PALD1: variants seen among roughly 807,000 people sequenced by gnomAD.
PALD1 encodes paladin.
In PALD1, 57 loss-of-function variants were observed where a neutral mutation model predicts 96.0. The observed-to-expected ratio is 0.59, with a 90% CI of 0.48 to 0.74. The LOEUF is 0.74. Ranked by LOEUF, PALD1 falls within the 30% of genes least tolerant of loss-of-function variation. PALD1 has a pLI of 0.00. For synonymous variants in PALD1, 464 were observed against 473.6 expected, an observed-to-expected ratio of 0.98 and a Z score of 0.26; for missense variants, 1,063 against 1,143.7, an observed-to-expected ratio of 0.93 and a Z score of 1.02.
At chr10:70,522,608 T>G (rs924107623) in intron 1 of PALD1, among the ~76,000 whole-genome samples, 1 of 152,192 alleles carries the variant, frequency 6.6e-6, no homozygotes, top group Non-Finnish European at 1.5e-5. Context: ...CCCTCACTCA[T>G]GACCAAAGGA....
At chr10:70,462,016 C>G in the PALD1 span, among the ~76,000 whole-genome samples, 18 of 152,322 alleles carry the variant, frequency 1.2e-4, no homozygotes, top group African/African-American at 4.1e-4. Context: ...TGGTCTCAAA[C>G]TCCTGACCTT....
chr10:70,487,643 C>A (rs923459677), intron 1 of PALD1, among the ~76,000 whole-genome samples: 5 of 151,984 alleles, frequency 3.3e-5, no homozygotes, highest in African/African-American at 1.2e-4. Context: ...GAAAACTCCA[C>A]CTATTAAGCA....
In PALD1 at chr10:70,501,715, C is replaced by A. The variant is rs116333228; in HGVS notation, c.-30+22656C>A. Among the ~76,000 whole-genome samples, 1,344 of 150,436 alleles carry A rather than the reference C, an allele frequency of 8.9e-3. 18 individuals are homozygous for A. The highest frequency in any genetic ancestry group is 0.031 in the African/African-American group (1,267 of 41,104). On this transcript the variant is annotated intron_variant, in intron 1 of 19. Coordinates refer to ENST00000263563, the MANE Select transcript of PALD1 (RefSeq NM_014431.3). ...GGGAAATGAGAGAAAATAAAGATATCCAGGAAGATGAGAAAAATCATCTGA... is the reference window on the plus strand; with the variant it reads ...GGGAAATGAGAGAAAATAAAGATATACAGGAAGATGAGAAAAATCATCTGA...
chr10:70,479,786 G>A (rs1263825985), intron 1 of PALD1, among the ~76,000 whole-genome samples: 1 of 152,196 alleles, frequency 6.6e-6, no homozygotes, highest in Non-Finnish European at 1.5e-5. Context: ...TGGCTTCTGG[G>A]TAGAGTAACC....
Position 70,534,085 on chromosome 10 carries a change from G to A in PALD1, c.1022+12G>A, listed in dbSNP as rs759084055. On this transcript the variant is annotated intron_variant, in intron 8 of 19. Coordinates refer to ENST00000263563, the MANE Select transcript of PALD1 (RefSeq NM_014431.3). ...ACCTCCCAGCCAGAGTGAGTGGCCCGGGGCCCAGCGTCCTGAAGGGCTGTG... is the reference window on the plus strand; with the variant it reads ...ACCTCCCAGCCAGAGTGAGTGGCCCAGGGCCCAGCGTCCTGAAGGGCTGTG... 59 of 1,581,352 alleles carry A rather than the reference G, an allele frequency of 3.7e-5. No individual in the cohort carries two copies. The East Asian group carries it at 9.1e-4, about 24-fold the overall frequency.
Position 70,564,357 on chromosome 10 carries a change from C to G in PALD1, c.2263-7C>G. The stretch of plus-strand genomic sequence containing the variant: ...CCACACTGACCCCACCCTGTCCTGT[C>G]CTCCAGGCGAAGGCAGCGAAAGAGG... On this transcript the variant is annotated splice_region_variant and splice_polypyrimidine_tract_variant and intron_variant, in intron 18 of 19. Coordinates refer to ENST00000263563, the MANE Select transcript of PALD1 (RefSeq NM_014431.3). 1 of 1,610,672 alleles carries G rather than the reference C, an allele frequency of 6.2e-7. No homozygotes were observed. Among genetic ancestry groups the G allele is most frequent in the Non-Finnish European group, 8.5e-7 (1 of 1,178,332 alleles).
At chr10:70,564,582 C>T in intron 19 of PALD1, 63 bp downstream of exon 19, 2 of 1,520,776 alleles carry the variant, frequency 1.3e-6, no homozygotes, top group Non-Finnish European at 1.8e-6. Context: ...AGCTGGGTCA[C>T]AGCCACTCAG....
chr10:70,556,844 T>G (rs1004425599), intron 18 of PALD1, among the ~76,000 whole-genome samples: 12 of 152,180 alleles, frequency 7.9e-5, no homozygotes, highest in Non-Finnish European at 1.5e-5. Flanking sequence ...CCTGACTTGG[T>G]GCCTGCTGCT....
intron 1 of PALD1, among the ~76,000 whole-genome samples, chr10:70,517,159 A>C (rs1466830436): frequency 2.0e-5 from 3 of 152,188 alleles, no homozygotes; most frequent in Admixed American, 1.3e-4. Flanking sequence ...ATTTCACAGA[A>C]GTGGCAGCAG....
chr10:70,465,022 T>C, the PALD1 span, among the ~76,000 whole-genome samples: 1 of 151,720 alleles, frequency 6.6e-6, no homozygotes, highest in Non-Finnish European at 1.5e-5. Flanking sequence ...TTGCCCAGGC[T>C]GGAGTGCAGT....
At chr10:70,509,185 T>C (rs917040982) in intron 1 of PALD1, among the ~76,000 whole-genome samples, 7 of 152,196 alleles carry the variant, frequency 4.6e-5, no homozygotes, top group African/African-American at 1.7e-4. Flanking sequence ...CTTTGCCCCC[T>C]GCCGGTCCCT....
chr10:70,522,204 T>C (rs1012248242), intron 1 of PALD1, among the ~76,000 whole-genome samples: 1 of 152,170 alleles, frequency 6.6e-6, no homozygotes, highest in Non-Finnish European at 1.5e-5. Context: ...GATTTTTTTT[T>C]TGAGGTTTCC....
chr10:70,518,979 T>C (rs546399453), intron 1 of PALD1, among the ~76,000 whole-genome samples: 3 of 152,248 alleles, frequency 2.0e-5, no homozygotes, highest in Non-Finnish European at 4.4e-5. Flanking sequence ...CCAGGGAGCC[T>C]TGGGTCTGGA....
chr10:70,458,635 C>T, the PALD1 span, among the ~76,000 whole-genome samples: 2 of 152,168 alleles, frequency 1.3e-5, no homozygotes, highest in South Asian at 4.1e-4. Flanking sequence ...CCCTGTTCCC[C>T]GCACTGCCGG....
intron 18 of PALD1, among the ~76,000 whole-genome samples, chr10:70,549,795 T>C (rs1158384015): frequency 6.6e-6 from 1 of 152,162 alleles, no homozygotes; most frequent in Non-Finnish European, 1.5e-5. Context: ...TCTGTTGGCA[T>C]TGGAGAAGGA....
At position 70,538,919 on chromosome 10, in the gene PALD1, G is replaced by A. The variant is rs1313846558; in HGVS notation, c.1480G>A (p.Ala494Thr). ...LREDDLVSPD[A>T]LSTVREMDVA... ...GGAGGACGATCTGGTCTCCCCGGACGCGCTCAGCACTGTCAGAGAGATGGA... is the reference window on the plus strand; with the variant it reads ...GGAGGACGATCTGGTCTCCCCGGACACGCTCAGCACTGTCAGAGAGATGGA... Residue 494 changes from alanine (A) to threonine (T), a missense_variant, in exon 13 of 20, where the codon GCG becomes ACG. Coordinates refer to ENST00000263563, the MANE Select transcript of PALD1 (RefSeq NM_014431.3). 91 of 1,613,544 alleles carry A rather than the reference G, an allele frequency of 5.6e-5. No homozygotes were observed. The East Asian group carries it at 1.8e-3, about 32-fold the overall frequency.
At chr10:70,470,553 T>A in the PALD1 span, among the ~76,000 whole-genome samples, 1 of 142,470 alleles carries the variant, frequency 7.0e-6, no homozygotes, top group Non-Finnish European at 1.5e-5. Flanking sequence ...AAATAATATT[T>A]TTATTATATA....
At chr10:70,566,456 A>T (rs1050765899) in intron 19 of PALD1, 125 bp from the exon 20 acceptor site, 2 of 687,740 alleles carry the variant, frequency 2.9e-6, no homozygotes, top group African/African-American at 1.8e-5. Flanking sequence ...AGTTAACAGA[A>T]GTCAAGGTGC....
chr10:70,543,393 TTGTC>T (rs895720720), intron 17 of PALD1, among the ~76,000 whole-genome samples: 2 of 152,204 alleles, frequency 1.3e-5, no homozygotes, highest in African/African-American at 2.4e-5. Flanking sequence ...TTGATGTAGT[TTGTC>T]TGTTTTTTCT....
Sources: allele counts gnomAD v4.1 joint callset (sites outside exome capture counted in the v4.1 genomes callset), GRCh38; gene constraint gnomAD v4.1.1; transcripts MANE v1.5; gene names NCBI Gene and HGNC (gene_info 2026-07-23, HGNC 2026-07-21).